Variants in SMIM10L1 observed in about 807,000 individuals in gnomAD.
The protein encoded by SMIM10L1 is small integral membrane protein 10-like protein 1.
SMIM10L1 carries 6 observed loss-of-function variants against 4.5 expected under a neutral mutation model. That is an observed-to-expected ratio of 1.33 (90% CI 0.73 to 2.62). SMIM10L1 has a LOEUF of 2.62. Among genes scored for constraint, SMIM10L1 ranks in the 30% most tolerant of loss-of-function variants. The probability of loss-of-function intolerance (pLI) is 0.00; values close to 1 mark genes in which losing one functional copy is unlikely to be tolerated. For missense variants in SMIM10L1, 66 were observed against 86.2 expected, an observed-to-expected ratio of 0.77 and a Z score of 0.93; for synonymous variants, 49 against 42.2, an observed-to-expected ratio of 1.16 and a Z score of -0.63.
Position 11,172,209 on chromosome 12 carries a change from G to A in SMIM10L1, c.*646G>A, listed in dbSNP as rs1263325798. The A allele has an allele frequency of 6.6e-6, 1 of 152,194 alleles. No homozygotes were observed. Among genetic ancestry groups the A allele is most frequent in the Non-Finnish European group, 1.5e-5 (1 of 68,034 alleles). The allele number at this position is 152,194 out of a possible 1,614,324, so 9.4% of individuals were successfully genotyped here. A position where few individuals can be genotyped will look rare whatever the true frequency, so the allele number is the denominator to read the frequency against. ...ATCAAGACTTGGAACCGCAGAAAAC[G>A]AAATCCCATAGTAGCACAAAGCTTG... is the stretch of plus-strand genomic sequence containing the variant. On this transcript the variant is annotated 3_prime_UTR_variant, in exon 1 of 1. Coordinates refer to ENST00000622602, the MANE Select transcript of SMIM10L1 (RefSeq NM_001271592.2).
At position 11,171,372 on chromosome 12, in the gene SMIM10L1, G is replaced by A; in HGVS notation, c.16G>A (p.Ala6Thr). 1 of 1,231,938 alleles carries A rather than the reference G, an allele frequency of 8.1e-7. No homozygotes were observed. Among genetic ancestry groups the A allele is most frequent in the Non-Finnish European group, 1.0e-6 (1 of 987,848 alleles). The allele number at this position is 1,231,938 out of a possible 1,614,324, so 76.3% of individuals were successfully genotyped here. A position where few individuals can be genotyped will look rare whatever the true frequency, so the allele number is the denominator to read the frequency against. MAPAA[A>T]PSSLAVRASS... ...CACCTGGCTCATGGCCCCCGCGGCG[G>A]CTCCGTCCTCCTTGGCCGTCAGGGC... The change falls in exon 1 of 1, where the codon GCT becomes ACT. Residue 6 changes from alanine to threonine, a missense_variant. Transcript: ENST00000622602.
Position 11,171,630 on chromosome 12 carries a change from C to T in SMIM10L1, c.*67C>T. On this transcript the variant is annotated 3_prime_UTR_variant, in exon 1 of 1. Transcript: ENST00000622602. ...CCGACTCCCAGGGTCCGTTGCGGCG[C>T]GGCGGAGCAGCCAATGGCGAGCCCC... 2.6e-6 allele frequency: 3 copies of T among 1,143,342 alleles called. No homozygotes were observed. The highest frequency in any genetic ancestry group is 3.3e-6 in the Non-Finnish European group (3 of 907,318). The allele number at this position is 1,143,342 out of a possible 1,614,324, so 70.8% of individuals were successfully genotyped here.
chr12:11,171,341 C>T lies in SMIM10L1; in HGVS notation c.-16C>T, dbSNP rs1237968613. The T allele has an allele frequency of 7.3e-6, 9 of 1,230,362 alleles. No individual in the cohort carries two copies. The highest frequency in any genetic ancestry group is 1.6e-5 in the African/African-American group (1 of 64,380). The allele number at this position is 1,230,362 out of a possible 1,614,324, so 76.2% of individuals were successfully genotyped here. A position where few individuals can be genotyped will look rare whatever the true frequency, so the allele number is the denominator to read the frequency against. ...ACCCTCGCTACAGACGCTGGGCGGG[C>T]GGCGACACCTGGCTCATGGCCCCCG... On this transcript the variant is annotated 5_prime_UTR_variant, in exon 1 of 1. Coordinates refer to ENST00000622602, the MANE Select transcript of SMIM10L1 (RefSeq NM_001271592.2).
chr12:11,171,494 C>T lies in SMIM10L1; in HGVS notation c.138C>T (p.Arg46=). 8.1e-7 allele frequency: 1 copy of T among 1,232,420 alleles called. No homozygotes were observed. The highest frequency in any genetic ancestry group is 1.0e-6 in the Non-Finnish European group (1 of 988,146). 76.3% of individuals were successfully genotyped at this position (1,232,420 alleles called of 1,614,324 possible). The change falls in exon 1 of 1, where the codon CGC becomes CGT. Residue 46 remains arginine (R), a synonymous_variant. Coordinates refer to ENST00000622602, the MANE Select transcript of SMIM10L1 (RefSeq NM_001271592.2). Reference sequence around the variant, plus strand: ...TCTTCGAGCTGGCCTGGCAGCTGCGCATGAACTTCCCGTACTTCTACGTCG... The same window carrying T: ...TCTTCGAGCTGGCCTGGCAGCTGCGTATGAACTTCCCGTACTTCTACGTCG... The part of the protein sequence containing the change: ...LAFFELAWQL[R]MNFPYFYVAG...
rs1565730551 is a variant in SMIM10L1 at position 11,171,369 on chromosome 12, G to A, written c.13G>A (p.Ala5Thr). The A allele has an allele frequency of 6.5e-6, 8 of 1,231,774 alleles. No individual in the cohort carries two copies. In the South Asian group the frequency reaches 3.3e-4, roughly 51 times the overall value. 76.3% of individuals were successfully genotyped at this position (1,231,774 alleles called of 1,614,324 possible). ...CGACACCTGGCTCATGGCCCCCGCG[G>A]CGGCTCCGTCCTCCTTGGCCGTCAG... Reference protein sequence around the residue: MAPAAAPSSLAVRAS... With the variant: MAPATAPSSLAVRAS... The change falls in exon 1 of 1, where the codon GCG becomes ACG. Residue 5 changes from alanine (A) to threonine (T), a missense_variant. Transcript: ENST00000622602.
chr12:11,173,289 T>G lies in SMIM10L1; in HGVS notation c.*1726T>G, dbSNP rs1947896161. 6.6e-6 allele frequency: 1 copy of G among 152,178 alleles called. No individual in the cohort carries two copies. The highest frequency in any genetic ancestry group is 6.5e-5 in the Admixed American group (1 of 15,282). 9.4% of individuals were successfully genotyped at this position (152,178 alleles called of 1,614,324 possible). ...TTCTTTGTCTCCAGCCAAACTCCATTTGGGCACATTCTCCTATAGCCTTTT... is the reference window on the plus strand; with the variant it reads ...TTCTTTGTCTCCAGCCAAACTCCATGTGGGCACATTCTCCTATAGCCTTTT... On this transcript the variant is annotated 3_prime_UTR_variant, in exon 1 of 1. Coordinates refer to ENST00000622602, the MANE Select transcript of SMIM10L1 (RefSeq NM_001271592.2).
rs1248272594 is a variant in SMIM10L1, at chr12:11,175,189, G to T, written c.*3626G>T. 6.6e-6 allele frequency: 1 copy of T among 152,056 alleles called. No individual in the cohort carries two copies. The highest frequency in any genetic ancestry group is 6.5e-5 in the Admixed American group (1 of 15,276). The allele number at this position is 152,056 out of a possible 1,614,324, so 9.4% of individuals were successfully genotyped here. A position where few individuals can be genotyped will look rare whatever the true frequency, so the allele number is the denominator to read the frequency against. ...AAACCTATTGGCTTATTTTATTAGA[G>T]GGTTGGTGGGATTGAGGGATATGGG... On this transcript the variant is annotated 3_prime_UTR_variant, in exon 1 of 1. Transcript: ENST00000622602.
rs1592145359 is a variant in SMIM10L1, at chr12:11,173,277, G to A, written c.*1714G>A. On this transcript the variant is annotated 3_prime_UTR_variant, in exon 1 of 1. Coordinates refer to ENST00000622602, the MANE Select transcript of SMIM10L1 (RefSeq NM_001271592.2). ...TTCTAGTCTTTATTCTTTGTCTCCA[G>A]CCAAACTCCATTTGGGCACATTCTC... 1 of 152,062 alleles carries A rather than the reference G, an allele frequency of 6.6e-6. No individual in the cohort carries two copies. Among genetic ancestry groups the A allele is most frequent in the East Asian group, 1.9e-4 (1 of 5,192 alleles). 9.4% of individuals were successfully genotyped at this position (152,062 alleles called of 1,614,324 possible). A position where few individuals can be genotyped will look rare whatever the true frequency, so the allele number is the denominator to read the frequency against.
rs1022162368 is a variant in SMIM10L1, at chr12:11,172,830, G to A, written c.*1267G>A. On this transcript the variant is annotated 3_prime_UTR_variant, in exon 1 of 1. Transcript: ENST00000622602. ...GAATAATAGTAGTCATGTAAAGTCA[G>A]TCATAATTATGTAAATACTGAATAC... is the stretch of plus-strand genomic sequence containing the variant. The A allele has an allele frequency of 1.3e-5, 2 of 152,158 alleles. No homozygotes were observed. The highest frequency in any genetic ancestry group is 4.8e-5 in the African/African-American group (2 of 41,428). The allele number at this position is 152,158 out of a possible 1,614,324, so 9.4% of individuals were successfully genotyped here.
In SMIM10L1 at chr12:11,174,639, G is replaced by C. The variant is rs1203434803; in HGVS notation, c.*3076G>C. ...TTATTTTAACTATAAAAGGAAAACA[G>C]TGAACATAGCAACATATGTAACCTA... is the stretch of plus-strand genomic sequence containing the variant. On this transcript the variant is annotated 3_prime_UTR_variant, in exon 1 of 1. Coordinates refer to ENST00000622602, the MANE Select transcript of SMIM10L1 (RefSeq NM_001271592.2). 1 of 150,030 alleles carries C rather than the reference G, an allele frequency of 6.7e-6. No homozygotes were observed. Among genetic ancestry groups the C allele is most frequent in the African/African-American group, 2.4e-5 (1 of 40,928 alleles). 9.3% of individuals were successfully genotyped at this position (150,030 alleles called of 1,614,324 possible).
rs1565733812 is a variant in SMIM10L1 at position 11,173,880 on chromosome 12, C to G, written c.*2317C>G. The stretch of plus-strand genomic sequence containing the variant: ...AGTATGTGTGTGTACTGTATATATA[C>G]ATATATATATACATACACATATATA... On this transcript the variant is annotated 3_prime_UTR_variant, in exon 1 of 1. Coordinates refer to ENST00000622602, the MANE Select transcript of SMIM10L1 (RefSeq NM_001271592.2). The G allele has an allele frequency of 6.6e-6, 1 of 150,988 alleles. No individual in the cohort carries two copies. Among genetic ancestry groups the G allele is most frequent in the Non-Finnish European group, 1.5e-5 (1 of 67,788 alleles). The allele number at this position is 150,988 out of a possible 1,614,324, so 9.4% of individuals were successfully genotyped here. A position where few individuals can be genotyped will look rare whatever the true frequency, so the allele number is the denominator to read the frequency against.
rs953287918 is a variant in SMIM10L1 at position 11,171,317 on chromosome 12, C to T, written c.-40C>T. The T allele has an allele frequency of 1.4e-5, 17 of 1,210,506 alleles. No individual in the cohort carries two copies. Among genetic ancestry groups the T allele is most frequent in the Non-Finnish European group, 1.7e-5 (16 of 968,412 alleles). The allele number at this position is 1,210,506 out of a possible 1,614,324, so 75.0% of individuals were successfully genotyped here. A position where few individuals can be genotyped will look rare whatever the true frequency, so the allele number is the denominator to read the frequency against. The stretch of plus-strand genomic sequence containing the variant: ...AGGAGGTCCGCGGGCCCTGCGGCAA[C>T]CCTCGCTACAGACGCTGGGCGGGCG... On this transcript the variant is annotated 5_prime_UTR_variant, in exon 1 of 1. Coordinates refer to ENST00000622602, the MANE Select transcript of SMIM10L1 (RefSeq NM_001271592.2).
Position 11,173,143 on chromosome 12 carries a change from G to T in SMIM10L1, c.*1580G>T, listed in dbSNP as rs1183298288. On this transcript the variant is annotated 3_prime_UTR_variant, in exon 1 of 1. Transcript: ENST00000622602. The stretch of plus-strand genomic sequence containing the variant: ...AGAGGGGTAAAGTGTTAAAATAGTT[G>T]CATTGTTCTATATTCCACTCATTGT... The T allele has an allele frequency of 6.6e-6, 1 of 151,958 alleles. No homozygotes were observed. The highest frequency in any genetic ancestry group is 1.5e-5 in the Non-Finnish European group (1 of 67,986). 9.4% of individuals were successfully genotyped at this position (151,958 alleles called of 1,614,324 possible).
rs1947884023 is a variant in SMIM10L1 at position 11,172,805 on chromosome 12, G to A, written c.*1242G>A. ...TGTATACACGGTATACCTCAACTGT[G>A]AATAATAGTAGTCATGTAAAGTCAG... On this transcript the variant is annotated 3_prime_UTR_variant, in exon 1 of 1. Coordinates refer to ENST00000622602, the MANE Select transcript of SMIM10L1 (RefSeq NM_001271592.2). The A allele has an allele frequency of 6.6e-6, 1 of 152,146 alleles. No individual in the cohort carries two copies. The highest frequency in any genetic ancestry group is 2.1e-4 in the South Asian group (1 of 4,816). The allele number at this position is 152,146 out of a possible 1,614,324, so 9.4% of individuals were successfully genotyped here. A position where few individuals can be genotyped will look rare whatever the true frequency, so the allele number is the denominator to read the frequency against.
rs966909786 is a variant in SMIM10L1 at position 11,174,134 on chromosome 12, G to A, written c.*2571G>A. On this transcript the variant is annotated 3_prime_UTR_variant, in exon 1 of 1. Transcript: ENST00000622602. ...ATTCACAATTGCTCTTAATTCTTGGGGTATAGTTTGCCTCCTACATGATGC... is the reference window on the plus strand; with the variant it reads ...ATTCACAATTGCTCTTAATTCTTGGAGTATAGTTTGCCTCCTACATGATGC... 1 of 151,726 alleles carries A rather than the reference G, an allele frequency of 6.6e-6. No homozygotes were observed. The highest frequency in any genetic ancestry group is 2.1e-4 in the South Asian group (1 of 4,816). The allele number at this position is 151,726 out of a possible 1,614,324, so 9.4% of individuals were successfully genotyped here.
At position 11,174,441 on chromosome 12, in the gene SMIM10L1, A is replaced by G. The variant is rs1947918530; in HGVS notation, c.*2878A>G. On this transcript the variant is annotated 3_prime_UTR_variant, in exon 1 of 1. Transcript: ENST00000622602. ...AAACATATATTCGTTCCTGATAATAAGATGATTCACTTTATTGCCCATAAA... is the reference window on the plus strand; with the variant it reads ...AAACATATATTCGTTCCTGATAATAGGATGATTCACTTTATTGCCCATAAA... 6.6e-6 allele frequency: 1 copy of G among 152,148 alleles called. No individual in the cohort carries two copies. Among genetic ancestry groups the G allele is most frequent in the Admixed American group, 6.5e-5 (1 of 15,276 alleles). 9.4% of individuals were successfully genotyped at this position (152,148 alleles called of 1,614,324 possible). A position where few individuals can be genotyped will look rare whatever the true frequency, so the allele number is the denominator to read the frequency against.
chr12:11,171,668 G>T lies in SMIM10L1; in HGVS notation c.*105G>T, dbSNP rs766302301. ...AATGGCGAGCCCCACAGTCTCGCGA[G>T]AGTGCTCAGGCGCTCTTCGTGGCTG... On this transcript the variant is annotated 3_prime_UTR_variant, in exon 1 of 1. Transcript: ENST00000622602. 580 of 824,262 alleles carry T rather than the reference G, an allele frequency of 7.0e-4. 1 individual carries two copies. The highest frequency in any genetic ancestry group is 8.1e-4 in the Non-Finnish European group (497 of 615,908). The allele number at this position is 824,262 out of a possible 1,614,324, so 51.1% of individuals were successfully genotyped here.
Position 11,174,486 on chromosome 12 carries a change from C to G in SMIM10L1, c.*2923C>G, listed in dbSNP as rs946915788. ...CATAAATTGGGCTTTTTCAGGCCAT[C>G]ATGCACGTTGATTGATCCAGAGATC... On this transcript the variant is annotated 3_prime_UTR_variant, in exon 1 of 1. Coordinates refer to ENST00000622602, the MANE Select transcript of SMIM10L1 (RefSeq NM_001271592.2). The G allele has an allele frequency of 8.6e-5, 13 of 151,726 alleles. No homozygotes were observed. The highest frequency in any genetic ancestry group is 2.9e-4 in the African/African-American group (12 of 41,304). 9.4% of individuals were successfully genotyped at this position (151,726 alleles called of 1,614,324 possible). A position where few individuals can be genotyped will look rare whatever the true frequency, so the allele number is the denominator to read the frequency against.
In SMIM10L1 at chr12:11,171,883, A is replaced by G. The variant is rs915688648; in HGVS notation, c.*320A>G. The G allele has an allele frequency of 9.3e-6, 2 of 214,710 alleles. No individual in the cohort carries two copies. Among genetic ancestry groups the G allele is most frequent in the African/African-American group, 2.3e-5 (1 of 43,966 alleles). The allele number at this position is 214,710 out of a possible 1,614,324, so 13.3% of individuals were successfully genotyped here. A position where few individuals can be genotyped will look rare whatever the true frequency, so the allele number is the denominator to read the frequency against. On this transcript the variant is annotated 3_prime_UTR_variant, in exon 1 of 1. Transcript: ENST00000622602. The stretch of plus-strand genomic sequence containing the variant: ...GCAGAGGATGCATTATTTCAAAACA[A>G]AACAGAAGGCTAAAATTTGCAGGAA...
Sources: gnomAD v4.1 joint callset for allele counts on GRCh38, gnomAD v4.1.1 for gene constraint, MANE v1.5 for transcripts, NCBI Gene and HGNC (gene_info 2026-07-23, HGNC 2026-07-21) for gene names.